The following NOL4 variants were observed in gnomAD, a reference collection of about 807,000 sequenced individuals.
NOL4 encodes the protein cancer/testis antigen 125.
A neutral mutation model predicts 75.9 loss-of-function variants in NOL4; 17 were observed. That is an observed-to-expected ratio of 0.22 (90% CI 0.15 to 0.34). The LOEUF (loss-of-function observed/expected upper bound fraction) is 0.34. Ranked by LOEUF, NOL4 falls within the 10% of genes least tolerant of loss-of-function variation. The pLI is 1.00. For synonymous variants in NOL4, 292 were observed against 289.9 expected (o/e 1.01, Z -0.07); for missense variants, 614 against 793.5 (o/e 0.77, Z 2.72).
intron 5 of NOL4, among the ~76,000 whole-genome samples, chr18:34,046,497 A>C (rs2076369693): frequency 6.6e-6 from 1 of 151,362 alleles, no homozygotes; most frequent in Admixed American, 6.6e-5. Flanking sequence ...GAATTCTAAG[A>C]AATATAAAAT....
At chr18:34,098,433 C>T (rs539768605) in intron 4 of NOL4, among the ~76,000 whole-genome samples, 1 of 152,246 alleles carries the variant, frequency 6.6e-6, no homozygotes, top group Admixed American at 6.5e-5. Context: ...GAACCGGGTA[C>T]TTAAGTGAGG....
At chr18:33,943,775 G>A (rs2068655269) in intron 8 of NOL4, among the ~76,000 whole-genome samples, 1 of 151,802 alleles carries the variant, frequency 6.6e-6, no homozygotes, top group South Asian at 2.1e-4. Flanking sequence ...AGATATGTTT[G>A]CCTATGTGTA....
chr18:34,022,981 T>C (rs2075131565), intron 5 of NOL4, among the ~76,000 whole-genome samples: 1 of 152,060 alleles, frequency 6.6e-6, no homozygotes, highest in Non-Finnish European at 1.5e-5. Flanking sequence ...AACAATAAGG[T>C]AGAAAATATT....
rs2062663551 is a variant in NOL4 at position 33,852,420 on chromosome 18, T to G, written c.*422A>C. Reference sequence around the variant, plus strand: ...GTTATATCCTGTAGCAACAAGAAATTTGGCTTTTTTTTTTCTTTTTTTTTT... The same window carrying G: ...GTTATATCCTGTAGCAACAAGAAATGTGGCTTTTTTTTTTCTTTTTTTTTT... On this transcript the variant is annotated 3_prime_UTR_variant, in exon 11 of 11. Coordinates refer to ENST00000261592, the MANE Select transcript of NOL4 (RefSeq NM_003787.5). 1 of 151,850 alleles carries G rather than the reference T, an allele frequency of 6.6e-6. No individual in the cohort carries two copies. Among genetic ancestry groups the G allele is most frequent in the Non-Finnish European group, 1.5e-5 (1 of 68,382 alleles). 9.4% of individuals were successfully genotyped at this position (151,850 alleles called of 1,614,324 possible). A position where few individuals can be genotyped will look rare whatever the true frequency, so the allele number is the denominator to read the frequency against.
chr18:34,130,003 A>C lies in NOL4; in HGVS notation c.282T>G (p.Asp94Glu), dbSNP rs374127351. Reference sequence around the variant, plus strand: ...CTACCCGTCGTAAAGATAGCTTCTCATCTACCCCTACGCCATCCTGGAAAC... The same window carrying C: ...CTACCCGTCGTAAAGATAGCTTCTCCTCTACCCCTACGCCATCCTGGAAAC... ...PVKTTDGVGV[D>E]EKLSLRRVAV... is the part of the protein sequence containing the mutation. The change falls in exon 2 of 11, where the codon GAT becomes GAG. Residue 94 changes from aspartate (D) to glutamate (E), a missense_variant. Around this residue, in one of 9 missense-constraint regions of NOL4, gnomAD observed 135 missense variants for 220.4 expected, o/e 0.61. Coordinates refer to ENST00000261592, the MANE Select transcript of NOL4 (RefSeq NM_003787.5). 1 of 1,592,432 alleles carries C rather than the reference A, an allele frequency of 6.3e-7. No homozygotes were observed. The highest frequency in any genetic ancestry group is 8.6e-7 in the Non-Finnish European group (1 of 1,168,944).
At chr18:34,159,308 C>T (rs1471387306) in intron 1 of NOL4, among the ~76,000 whole-genome samples, 1 of 152,194 alleles carries the variant, frequency 6.6e-6, no homozygotes, top group African/African-American at 2.4e-5. Context: ...GCCGCGGCAA[C>T]GGCCGGAGGA....
chr18:34,202,854 A>C (rs1472364903), intron 1 of NOL4, among the ~76,000 whole-genome samples: 1 of 152,062 alleles, frequency 6.6e-6, no homozygotes, highest in Non-Finnish European at 1.5e-5. Context: ...GTAGGAAAGT[A>C]AAATGGTACA....
intron 1 of NOL4, among the ~76,000 whole-genome samples, chr18:34,180,174 T>C (rs2146324598): frequency 6.6e-6 from 1 of 151,622 alleles, no homozygotes; most frequent in African/African-American, 2.4e-5. Flanking sequence ...AATCATGCAA[T>C]GATTTCACAG....
At chr18:34,046,742 T>C (rs534982997) in intron 5 of NOL4, among the ~76,000 whole-genome samples, 1 of 151,010 alleles carries the variant, frequency 6.6e-6, no homozygotes, top group Non-Finnish European at 1.5e-5. Context: ...CACTGCCTTC[T>C]GCAGTGACCC....
chr18:33,984,393 G>T (rs1030481979), intron 6 of NOL4, among the ~76,000 whole-genome samples: 2 of 152,058 alleles, frequency 1.3e-5, no homozygotes, highest in African/African-American at 4.8e-5. Context: ...TGCTATAATA[G>T]TTGATAGGTT....
At chr18:33,965,126 C>T (rs1295397229) in intron 6 of NOL4, among the ~76,000 whole-genome samples, 1 of 152,110 alleles carries the variant, frequency 6.6e-6, no homozygotes, top group Non-Finnish European at 1.5e-5. Context: ...AATATCCACA[C>T]TTGTTAGAGA....
intron 10 of NOL4, among the ~76,000 whole-genome samples, chr18:33,867,403 C>A (rs1378512224): frequency 6.6e-6 from 1 of 151,968 alleles, no homozygotes; most frequent in African/African-American, 2.4e-5. Flanking sequence ...TCAAATATTT[C>A]TGGAAATAGA....
rs148563171 is a variant in NOL4, at chr18:33,883,350, T to C, written c.1617A>G (p.Pro539=). ...TQATYSTSAV[P]GSQDVLYING... ...TGATGTACAGCACGTCCTGTGAGCC[T>C]GGAACAGCTGATGTTGAGTAAGTGG... The change falls in exon 10 of 11, where the codon CCA becomes CCG. Residue 539 remains proline, a synonymous_variant. Transcript: ENST00000261592. 2 of 1,613,274 alleles carry C rather than the reference T, an allele frequency of 1.2e-6. No individual in the cohort carries two copies. Among genetic ancestry groups the C allele is most frequent in the African/African-American group, 2.7e-5 (2 of 74,876 alleles).
chr18:34,087,352 C>T (rs1419004014), intron 5 of NOL4, among the ~76,000 whole-genome samples: 1 of 152,026 alleles, frequency 6.6e-6, no homozygotes, highest in African/African-American at 2.4e-5. Context: ...TTACTCCCCT[C>T]TATGTTTCCA....
intron 1 of NOL4, among the ~76,000 whole-genome samples, chr18:34,163,193 C>T (rs1179357847): frequency 1.3e-5 from 2 of 152,128 alleles, no homozygotes; most frequent in Admixed American, 1.3e-4. Flanking sequence ...GACAGGGATG[C>T]CCTCTCTCAC....
intron 1 of NOL4, among the ~76,000 whole-genome samples, chr18:34,198,552 A>G (rs966747982): frequency 2.0e-5 from 3 of 151,902 alleles, no homozygotes; most frequent in African/African-American, 7.2e-5. Flanking sequence ...TAAATGTATG[A>G]ATCCATCTTA....
At chr18:34,165,936 T>C (rs966807845) in intron 1 of NOL4, among the ~76,000 whole-genome samples, 2 of 152,020 alleles carry the variant, frequency 1.3e-5, no homozygotes, top group Non-Finnish European at 2.9e-5. Flanking sequence ...ACACTTTCTT[T>C]CAATATTTTA....
chr18:33,961,096 A>G (rs1186081655), intron 6 of NOL4, among the ~76,000 whole-genome samples: 1 of 151,952 alleles, frequency 6.6e-6, no homozygotes, highest in Non-Finnish European at 1.5e-5. Flanking sequence ...ATATATTAAT[A>G]TATTACATTA....
At chr18:34,133,609 A>C (rs758058325) in intron 1 of NOL4, among the ~76,000 whole-genome samples, 1 of 152,212 alleles carries the variant, frequency 6.6e-6, no homozygotes, top group African/African-American at 2.4e-5. Context: ...GAAATGTAAC[A>C]CACTTGACAA....
Sources: gnomAD v4.1 joint callset for allele counts (sites outside exome capture counted in the v4.1 genomes callset) on GRCh38, gnomAD v4.1.1 for gene constraint, gnomAD v4.1.1 regional missense constraint, MANE v1.5 for transcripts, NCBI Gene and HGNC (gene_info 2026-07-23, HGNC 2026-07-21) for gene names.